Variants in SLC25A3 observed in about 807,000 individuals in gnomAD.
SLC25A3 encodes solute carrier family 25 member 3.
Under a neutral mutation model 37.1 loss-of-function variants are expected in SLC25A3, and 14 were observed. That is an observed-to-expected ratio of 0.38 (90% CI 0.25 to 0.59). The LOEUF (loss-of-function observed/expected upper bound fraction) is 0.59. Among genes scored for constraint, SLC25A3 ranks in the 20% least tolerant of loss-of-function variants. The probability of loss-of-function intolerance (pLI) is 0.67; values close to 1 mark genes in which losing one functional copy is unlikely to be tolerated. For missense variants in SLC25A3, 385 were observed against 458.1 expected (o/e 0.84, Z 1.46); for synonymous variants, 161 against 168.7 (o/e 0.95, Z 0.36).
chr12:98,595,940 C>A, intron 3 of SLC25A3, 92 bp downstream of exon 3: 1 of 1,168,298 alleles, frequency 8.6e-7, no homozygotes, highest in Non-Finnish European at 1.3e-6. Flanking sequence ...ATCACAACTG[C>A]TAGAAACTTC....
At chr12:98,597,805 T>A in intron 3 of SLC25A3, 51 bp from the exon 4 acceptor site, 1 of 1,598,306 alleles carries the variant, frequency 6.3e-7, no homozygotes. Flanking sequence ...ATTAAATTTT[T>A]ATGTTAGCTG....
At position 98,601,382 on chromosome 12, in the gene SLC25A3, C is replaced by G. The variant is rs1479634318; in HGVS notation, c.940C>G (p.Leu314Val). Residue 314 changes from leucine (L) to valine (V), a missense_variant, in exon 8 of 8, where the codon CTG (leucine) becomes GTG (valine). Around this residue, in one of 2 missense-constraint regions of SLC25A3, gnomAD observed 276 missense variants for 367.6 expected, o/e 0.75. Coordinates refer to ENST00000552981, the MANE Select transcript of SLC25A3 (RefSeq NM_002635.4). ...GTTTGAACCAGGTGTATGGAAGGGA[C>G]TGTTTGCCCGTATCATCATGATTGG... ...RLGFKGVWKG[L>V]FARIIMIGTL... 4 of 1,613,764 alleles carry G rather than the reference C, an allele frequency of 2.5e-6. No homozygotes were observed. In the African/African-American group the frequency reaches 5.3e-5, roughly 22 times the overall value.
rs1039642913 is a variant in SLC25A3 at position 98,596,027 on chromosome 12, A to G, written c.279+179A>G. On this transcript the variant is annotated intron_variant, in intron 3 of 7. Coordinates refer to ENST00000552981, the MANE Select transcript of SLC25A3 (RefSeq NM_002635.4). ...TGTTTTAAATCCAATAAATGCCTCTATTGTTTGAGTAAATTGTTCACTTTT... is the reference window on the plus strand; with the variant it reads ...TGTTTTAAATCCAATAAATGCCTCTGTTGTTTGAGTAAATTGTTCACTTTT... Among the ~76,000 whole-genome samples the G allele has an allele frequency of 4.6e-5, 7 of 152,326 alleles. No individual in the cohort carries two copies. The Middle Eastern group carries it at 0.01, about 222-fold the overall frequency.
Position 98,595,736 on chromosome 12 carries a change from G to T in SLC25A3, c.167G>T (p.Cys56Phe). 3 of 1,614,166 alleles carry T rather than the reference G, an allele frequency of 1.9e-6. No individual in the cohort carries two copies. The highest frequency in any genetic ancestry group is 2.5e-6 in the Non-Finnish European group (3 of 1,179,998). The change falls in exon 3 of 8, where the codon TGT (cysteine) becomes TTT (phenylalanine). Residue 56 changes from cysteine (C) to phenylalanine (F), a missense_variant. Cys to Phe is a radical substitution (Grantham distance 205). This residue lies in a region of SLC25A3 where 109 missense variants were observed against 90.5 expected (regional missense o/e 1.20). Coordinates refer to ENST00000552981, the MANE Select transcript of SLC25A3 (RefSeq NM_002635.4). ...LAAAAVEEYS[C>F]EFGSAKYYAL... Reference sequence around the variant, plus strand: ...TCTTCTCTTACTACAGAGTACAGTTGTGAATTTGGCTCCGCGAAGTATTAT... The same window carrying T: ...TCTTCTCTTACTACAGAGTACAGTTTTGAATTTGGCTCCGCGAAGTATTAT...
At chr12:98,595,252 C>T in intron 2 of SLC25A3, 1 of 624,204 alleles carries the variant, frequency 1.6e-6, no homozygotes, top group Non-Finnish European at 2.8e-6. Context: ...AGATACAGAA[C>T]CCTCATAATT....
intron 2 of SLC25A3, chr12:98,595,099 A>G (rs1056050183): frequency 3.2e-6 from 1 of 309,096 alleles, no homozygotes; most frequent in African/African-American, 2.1e-5. Context: ...ATGTCGAGTG[A>G]TCTTTCTGAG....
rs375998634 is a variant in SLC25A3, at chr12:98,601,579, A to G, written c.*51A>G. 16 of 1,201,652 alleles carry G rather than the reference A, an allele frequency of 1.3e-5. No homozygotes were observed. The highest frequency in any genetic ancestry group is 2.0e-5 in the Non-Finnish European group (16 of 804,666). The allele number at this position is 1,201,652 out of a possible 1,614,324, so 74.4% of individuals were successfully genotyped here. On this transcript the variant is annotated 3_prime_UTR_variant, in exon 8 of 8. Transcript: ENST00000552981. Reference sequence around the variant, plus strand: ...ATCTGCTTGTTGATCAGTGTTGAAGAAAGTGCAAAAGGAACTTTTATATAT... The same window carrying G: ...ATCTGCTTGTTGATCAGTGTTGAAGGAAGTGCAAAAGGAACTTTTATATAT...
rs772011510 is a variant in SLC25A3 at position 98,595,821 on chromosome 12, C to T, written c.252C>T (p.Pro84=). ...GTCTGACACACACTGCTGTGGTTCC[C>T]CTGGATTTAGTGAAATGCCGTATGC... ...SCGLTHTAVV[P]LDLVKCRMQV... Residue 84 remains proline (P), a synonymous_variant, in exon 3 of 8, where the codon CCC becomes CCT. Coordinates refer to ENST00000552981, the MANE Select transcript of SLC25A3 (RefSeq NM_002635.4). 2 of 1,613,974 alleles carry T rather than the reference C, an allele frequency of 1.2e-6. No individual in the cohort carries two copies. The highest frequency in any genetic ancestry group is 3.3e-5 in the Admixed American group (2 of 59,996).
In SLC25A3 at chr12:98,603,894, CT is replaced by C. The variant is rs1202144033; in HGVS notation, c.*2371del. Reference sequence around the variant, plus strand: ...ATTTTAATATGTATGTATTGGTGTTCTTTTTACATTTCATTTAATGAAATGT... The same window carrying C: ...ATTTTAATATGTATGTATTGGTGTTCTTTTACATTTCATTTAATGAAATGT... On this transcript the variant is annotated 3_prime_UTR_variant, in exon 8 of 8. Coordinates refer to ENST00000552981, the MANE Select transcript of SLC25A3 (RefSeq NM_002635.4). The C allele has an allele frequency of 1.3e-5, 2 of 152,038 alleles. No homozygotes were observed. The highest frequency in any genetic ancestry group is 4.8e-5 in the African/African-American group (2 of 41,386). The allele number at this position is 152,038 out of a possible 1,614,324, so 9.4% of individuals were successfully genotyped here.
In SLC25A3 at chr12:98,603,728, C is replaced by T. The variant is rs962782960; in HGVS notation, c.*2200C>T. The T allele has an allele frequency of 3.3e-5, 5 of 152,258 alleles. No homozygotes were observed. The highest frequency in any genetic ancestry group is 1.2e-4 in the African/African-American group (5 of 41,544). The allele number at this position is 152,258 out of a possible 1,614,324, so 9.4% of individuals were successfully genotyped here. ...CGCTGTGTTCAAGCTATGGAGCCTG[C>T]CACTGTAGTTACTAGAGTTACGGTT... On this transcript the variant is annotated 3_prime_UTR_variant, in exon 8 of 8. Transcript: ENST00000552981.
At chr12:98,594,942 A>C (rs953267917) in intron 2 of SLC25A3, 1 of 186,306 alleles carries the variant, frequency 5.4e-6, no homozygotes, top group African/African-American at 2.4e-5. Context: ...TTCAGTTTAA[A>C]AGTTAAAGCT....
chr12:98,600,617 G>C (rs183569190), intron 6 of SLC25A3, among the ~76,000 whole-genome samples: 3 of 152,164 alleles, frequency 2.0e-5, no homozygotes, highest in Admixed American at 6.5e-5. Flanking sequence ...TCACTATGTT[G>C]GCCAGGCTGG....
At position 98,595,744 on chromosome 12, in the gene SLC25A3, G is replaced by A; in HGVS notation, c.175G>A (p.Gly59Ser). 6.2e-7 allele frequency: 1 copy of A among 1,614,096 alleles called. No homozygotes were observed. The highest frequency in any genetic ancestry group is 8.5e-7 in the Non-Finnish European group (1 of 1,179,962). The change falls in exon 3 of 8, where the codon GGC becomes AGC. Residue 59 changes from glycine to serine, a missense_variant. Physicochemically the swap from Gly to Ser is moderately conservative, Grantham distance 56. Transcript: ENST00000552981. ...AAVEEYSCEF[G>S]SAKYYALCGF... ...TACTACAGAGTACAGTTGTGAATTT[G>A]GCTCCGCGAAGTATTATGCACTGTG...
chr12:98,598,487 C>A (rs767600786), intron 4 of SLC25A3, 35 bp from the exon 5 acceptor site: 66 of 1,611,482 alleles, frequency 4.1e-5, no homozygotes, highest in Non-Finnish European at 5.4e-5. Flanking sequence ...AACACAACAG[C>A]AATTCACATC....
intron 5 of SLC25A3, chr12:98,599,621 A>T (rs1431042747): frequency 1.9e-6 from 1 of 538,698 alleles, no homozygotes; most frequent in African/African-American, 1.9e-5. Flanking sequence ...ACAGTTAAGA[A>T]TTTCCATGAC....
intron 3 of SLC25A3, 21 bp from the exon 4 acceptor site, chr12:98,597,835 T>C: frequency 6.2e-7 from 1 of 1,609,176 alleles, no homozygotes; most frequent in Non-Finnish European, 8.5e-7. Context: ...TTTAATTTTT[T>C]TTTTCTTGTT....
Position 98,593,963 on chromosome 12 carries a change from C to G in SLC25A3, c.-4-12C>G. On this transcript the variant is annotated splice_polypyrimidine_tract_variant and intron_variant, in intron 1 of 7. Transcript: ENST00000552981. The stretch of plus-strand genomic sequence containing the variant: ...TTGCCTGTCCTCTAACCGTCGCTCC[C>G]TCCTCCCCTAGAAAGATGTTCTCGT... 1.2e-6 allele frequency: 2 copies of G among 1,613,912 alleles called. No individual in the cohort carries two copies.
intron 2 of SLC25A3, chr12:98,595,349 C>T: frequency 6.8e-7 from 1 of 1,480,694 alleles, no homozygotes; most frequent in Non-Finnish European, 9.4e-7. Context: ...TAGTATCTCA[C>T]AGGGAAACAT....
intron 3 of SLC25A3, among the ~76,000 whole-genome samples, chr12:98,596,062 C>T (rs1395642949): frequency 6.6e-6 from 1 of 152,176 alleles, no homozygotes; most frequent in African/African-American, 2.4e-5. Flanking sequence ...TAGAGTCTGG[C>T]TGTAAATGGC....
Sources: gnomAD v4.1 joint callset for allele counts (sites outside exome capture counted in the v4.1 genomes callset) on GRCh38, gnomAD v4.1.1 for gene constraint, gnomAD v4.1.1 regional missense constraint, MANE v1.5 for transcripts, NCBI Gene and HGNC (gene_info 2026-07-23, HGNC 2026-07-21) for gene names.